Variants in SNAPC3 observed in about 807,000 individuals in gnomAD.
SNAPC3 encodes small nuclear RNA activating complex polypeptide 3, also known as snRNA-activating protein complex subunit 3.
SNAPC3 carries 56 observed loss-of-function variants against 47.7 expected under a neutral mutation model. That is an observed-to-expected ratio of 1.18 (90% CI 0.95 to 1.47). The LOEUF (loss-of-function observed/expected upper bound fraction) is 1.47, where lower values mean the gene tolerates loss of function less well. SNAPC3 is among the 40% of genes most tolerant of loss of function. The probability of loss-of-function intolerance (pLI) is 0.00; values close to 1 mark genes in which losing one functional copy is unlikely to be tolerated. For missense variants in SNAPC3, 665 were observed against 511.3 expected (o/e 1.30, Z -2.90); for synonymous variants, 235 against 189.9 (o/e 1.24, Z -1.95).
chr9:15,435,935 C>A (rs945260681), intron 3 of SNAPC3, among the ~76,000 whole-genome samples: 3 of 149,672 alleles, frequency 2.0e-5, no homozygotes, highest in Non-Finnish European at 4.4e-5. Context: ...CCTCCATCTC[C>A]CAGGTTCAAG....
Position 15,444,643 on chromosome 9 carries a change from C to T in SNAPC3, c.519C>T (p.Asp173=), listed in dbSNP as rs773274172. 5.6e-6 allele frequency: 9 copies of T among 1,612,864 alleles called. No homozygotes were observed. The highest frequency in any genetic ancestry group is 1.6e-4 in the Middle Eastern group (1 of 6,062). ...GAAAAAAGCCTGAAAATTCAGCAGA[C>T]ATGATTGAAGAAGGGGAGCTTATCC... The part of the protein sequence containing the change: ...AIGKKPENSA[D]MIEEGELILS... The change falls in exon 4 of 9, where the codon GAC becomes GAT. Residue 173 remains aspartate, a synonymous_variant. Transcript: ENST00000380821.
chr9:15,441,925 G>A (rs1409038063), intron 3 of SNAPC3, among the ~76,000 whole-genome samples: 5 of 152,178 alleles, frequency 3.3e-5, no homozygotes, highest in East Asian at 1.9e-4. Flanking sequence ...TCCCAGACGT[G>A]GTGGCGGCCG....
intron 2 of SNAPC3, chr9:15,431,863 A>G (rs1390137306): frequency 2.0e-5 from 3 of 151,700 alleles, no homozygotes. Context: ...AGAAAGAACT[A>G]AAGTCTGTAT....
downstream of SNAPC3, chr9:15,465,499 C>T: frequency 6.6e-7 from 1 of 1,514,174 alleles, no homozygotes; most frequent in Non-Finnish European, 9.1e-7. Context: ...CAAGTGTTCT[C>T]TATATTCCAG....
At position 15,458,116 on chromosome 9, in the gene SNAPC3, C is replaced by G. The variant is rs751178661; in HGVS notation, c.1088+49C>G. On this transcript the variant is annotated intron_variant, in intron 8 of 8. Transcript: ENST00000380821. Reference sequence around the variant, plus strand: ...TTTCTCTGAGAAATGGCAGTTTTGACTTTTGGTATTTTGTTTTCCACTTTG... The same window carrying G: ...TTTCTCTGAGAAATGGCAGTTTTGAGTTTTGGTATTTTGTTTTCCACTTTG... 2.1e-5 allele frequency: 21 copies of G among 979,836 alleles called. No homozygotes were observed. In the African/African-American group the frequency reaches 3.1e-4, roughly 14 times the overall value. The allele number at this position is 979,836 out of a possible 1,614,324, so 60.7% of individuals were successfully genotyped here.
intron 3 of SNAPC3, among the ~76,000 whole-genome samples, chr9:15,440,408 T>C (rs1402316053): frequency 6.6e-6 from 1 of 152,220 alleles, no homozygotes; most frequent in East Asian, 1.9e-4. Context: ...TATCTGCAAA[T>C]GTCTTAATTT....
At chr9:15,432,798 A>G (rs773026660) in intron 2 of SNAPC3, among the ~76,000 whole-genome samples, 9 of 152,364 alleles carry the variant, frequency 5.9e-5, no homozygotes, top group East Asian at 1.9e-4. Context: ...CAGAATTGCT[A>G]TTAGGCATAC....
intron 6 of SNAPC3, 99 bp from the exon 7 acceptor site, chr9:15,452,942 T>G: frequency 2.2e-5 from 21 of 942,820 alleles, no homozygotes; most frequent in Non-Finnish European, 3.2e-5. Context: ...GTTAGTTGGG[T>G]GAGCTAGGTT....
rs1221913618 is a variant in SNAPC3, at chr9:15,441,981, C to T, written c.478-2621C>T. 3.9e-5 allele frequency among the ~76,000 whole-genome samples: 6 copies of T among 151,976 alleles called. No homozygotes were observed. In the South Asian group the frequency reaches 8.3e-4, roughly 21 times the overall value. ...CCCAGAAGGGGCGGCCAGGCAGAGG[C>T]GCCCCCCCACCTCCCGGACAGGGCG... On this transcript the variant is annotated intron_variant, in intron 3 of 8. Coordinates refer to ENST00000380821, the MANE Select transcript of SNAPC3 (RefSeq NM_001039697.2).
Position 15,451,357 on chromosome 9 carries a change from C to T in SNAPC3, c.770C>T (p.Thr257Ile), listed in dbSNP as rs980442614. The T allele has an allele frequency of 6.5e-7, 1 of 1,550,100 alleles. No homozygotes were observed. The highest frequency in any genetic ancestry group is 8.8e-7 in the Non-Finnish European group (1 of 1,131,732). ...YKSAFFYFEGTFYNDKRYPEC... is the reference protein window; with the variant it reads ...YKSAFFYFEGIFYNDKRYPEC... ...TCAGCCTTCTTTTATTTTGAAGGAACATTTTATAATGATAAAAGATACCCA... is the reference window on the plus strand; with the variant it reads ...TCAGCCTTCTTTTATTTTGAAGGAATATTTTATAATGATAAAAGATACCCA... The change falls in exon 6 of 9, where the codon ACA (threonine) becomes ATA (isoleucine). Residue 257 changes from threonine (T) to isoleucine (I), a missense_variant. Coordinates refer to ENST00000380821, the MANE Select transcript of SNAPC3 (RefSeq NM_001039697.2).
In SNAPC3 at chr9:15,423,088, C is replaced by A; in HGVS notation, c.209C>A (p.Ala70Asp). 6.5e-7 allele frequency: 1 copy of A among 1,532,400 alleles called. No individual in the cohort carries two copies. The highest frequency in any genetic ancestry group is 8.7e-7 in the Non-Finnish European group (1 of 1,148,544). The allele number at this position is 1,532,400 out of a possible 1,614,324, so 94.9% of individuals were successfully genotyped here. Residue 70 changes from alanine (A) to aspartate (D), a missense_variant, in exon 1 of 9, where the codon GCT (alanine) becomes GAT (aspartate). Ala to Asp is a moderately radical substitution (Grantham distance 126, BLOSUM62 -2). Coordinates refer to ENST00000380821, the MANE Select transcript of SNAPC3 (RefSeq NM_001039697.2). ...TCGCTGAGGGAGCCGCCGGCATCCGCTCTGCCTGGGAGCCAGGCAGCTGAC... is the reference window on the plus strand; with the variant it reads ...TCGCTGAGGGAGCCGCCGGCATCCGATCTGCCTGGGAGCCAGGCAGCTGAC... ...DLSLREPPAS[A>D]LPGSQAADSD...
At chr9:15,451,918 C>T (rs1487737932) in intron 6 of SNAPC3, among the ~76,000 whole-genome samples, 1 of 151,926 alleles carries the variant, frequency 6.6e-6, no homozygotes, top group East Asian at 1.9e-4. Context: ...CTTTCATTAT[C>T]AATGTCTTAA....
chr9:15,432,878 G>A (rs1348985337), intron 2 of SNAPC3, among the ~76,000 whole-genome samples: 1 of 152,178 alleles, frequency 6.6e-6, no homozygotes, highest in Admixed American at 6.6e-5. Flanking sequence ...AGTTTGAGGA[G>A]AAACAAGATT....
chr9:15,427,426 G>A (rs994165562), intron 2 of SNAPC3, among the ~76,000 whole-genome samples: 1 of 152,216 alleles, frequency 6.6e-6, no homozygotes, highest in African/African-American at 2.4e-5. Context: ...TCTCCTCACT[G>A]CAACTTCTGC....
At chr9:15,450,763 A>G (rs1474764613) in intron 5 of SNAPC3, among the ~76,000 whole-genome samples, 1 of 152,202 alleles carries the variant, frequency 6.6e-6, no homozygotes, top group Admixed American at 6.5e-5. Context: ...TTGATTTTGC[A>G]GTCAGGATTG....
downstream of SNAPC3, chr9:15,465,528 C>T (rs1374649979): frequency 1.9e-6 from 3 of 1,566,170 alleles, no homozygotes; most frequent in Non-Finnish European, 2.6e-6. Flanking sequence ...ACCTAGTTAT[C>T]TAGTGTAGAA....
At chr9:15,431,833 A>T (rs1253321488) in intron 2 of SNAPC3, 1 of 151,612 alleles carries the variant, frequency 6.6e-6, no homozygotes, top group African/African-American at 2.4e-5. Flanking sequence ...GTAATATAAC[A>T]CCACTGAAAA....
At chr9:15,441,542 G>T (rs949266707) in intron 3 of SNAPC3, among the ~76,000 whole-genome samples, 1 of 151,876 alleles carries the variant, frequency 6.6e-6, no homozygotes, top group Middle Eastern at 3.4e-3. Flanking sequence ...GGACCCTGCG[G>T]CCTTCTGCAG....
intron 2 of SNAPC3, among the ~76,000 whole-genome samples, chr9:15,430,612 T>C (rs2032014767): frequency 6.6e-6 from 1 of 152,180 alleles, no homozygotes; most frequent in Non-Finnish European, 1.5e-5. Context: ...TCCAACAATA[T>C]GAAAATACAT....
Sources: allele counts gnomAD v4.1 joint callset (sites outside exome capture counted in the v4.1 genomes callset), GRCh38; gene constraint gnomAD v4.1.1; transcripts MANE v1.5; gene names NCBI Gene and HGNC (gene_info 2026-07-23, HGNC 2026-07-21).